Variants in IRF6 observed in about 807,000 individuals in gnomAD.
The protein encoded by IRF6 is interferon regulatory factor 6.
A neutral mutation model predicts 51.4 loss-of-function variants in IRF6; 6 were observed. That is an observed-to-expected ratio of 0.12 (90% confidence interval 0.06 to 0.23). IRF6 has a LOEUF of 0.23. IRF6 is among the 10% of genes least tolerant of loss of function. IRF6 has a pLI of 1.00. For synonymous variants in IRF6, 178 were observed against 215.7 expected, an observed-to-expected ratio of 0.83 and a Z score of 1.53; for missense variants, 348 against 585.2, an observed-to-expected ratio of 0.59 and a Z score of 4.18.
chr1:209,804,093 T>C (rs535515461), intron 1 of IRF6, among the ~76,000 whole-genome samples: 4 of 152,246 alleles, frequency 2.6e-5, no homozygotes, highest in African/African-American at 7.2e-5. Flanking sequence ...TACAATGATA[T>C]GTTTCAATTT....
intron 4 of IRF6, 135 bp from the exon 5 acceptor site, chr1:209,795,553 T>A: frequency 7.5e-7 from 1 of 1,332,940 alleles, no homozygotes; most frequent in Non-Finnish European, 1.0e-6. Flanking sequence ...ATGTCCTAGC[T>A]AAAAAGAGTG....
chr1:209,796,225 G>A lies in IRF6; in HGVS notation c.379+123C>T. 1.3e-6 allele frequency: 1 copy of A among 799,920 alleles called. No individual in the cohort carries two copies. The highest frequency in any genetic ancestry group is 2.0e-6 in the Non-Finnish European group (1 of 499,360). 49.6% of individuals were successfully genotyped at this position (799,920 alleles called of 1,614,324 possible). ...TTTTCTGGGTCCTTCCCAGAGAAAG[G>A]CTTTCTTGCTTTATCCATCTTAAAC... On this transcript the variant is annotated intron_variant, in intron 4 of 8. Coordinates refer to ENST00000367021, the MANE Select transcript of IRF6 (RefSeq NM_006147.4). The surrounding 1 kb of genome is among the most constrained non-coding windows in gnomAD (Gnocchi z 4.5).
At chr1:209,804,690 A>G (rs1475786310) in intron 1 of IRF6, among the ~76,000 whole-genome samples, 3 of 152,186 alleles carry the variant, frequency 2.0e-5, no homozygotes, top group Non-Finnish European at 4.4e-5. Context: ...GAGGAGGGAC[A>G]CTTTCAGCCT....
At chr1:209,800,866 A>T (rs933945451) in intron 3 of IRF6, among the ~76,000 whole-genome samples, 1 of 152,202 alleles carries the variant, frequency 6.6e-6, no homozygotes, top group African/African-American at 2.4e-5. Flanking sequence ...TGGTCTGAGT[A>T]TCCATTCCCA....
intron 1 of IRF6, among the ~76,000 whole-genome samples, chr1:209,802,737 C>A (rs2077951255): frequency 6.6e-6 from 1 of 152,128 alleles, no homozygotes; most frequent in Admixed American, 6.5e-5. Flanking sequence ...CCTACCTGGA[C>A]CACAGTTCTG....
At chr1:209,791,746 C>T (rs138219881) in intron 6 of IRF6, among the ~76,000 whole-genome samples, 1 of 152,266 alleles carries the variant, frequency 6.6e-6, no homozygotes, top group East Asian at 1.9e-4. Context: ...TGTAACCAAT[C>T]AGAGCATCCC....
chr1:209,798,519 G>A (rs2077918693), intron 3 of IRF6, among the ~76,000 whole-genome samples: 1 of 152,166 alleles, frequency 6.6e-6, no homozygotes, highest in Non-Finnish European at 1.5e-5. Context: ...CAGCCTTCCT[G>A]CTCACCACAC....
chr1:209,790,413 G>A lies in IRF6; in HGVS notation c.1060+82C>T. ...AGATCTTTGCCATGCCAGGAAAGCA[G>A]GAAGGTGAAAGACAGGGATAGTGGA... On this transcript the variant is annotated intron_variant, in intron 7 of 8. Coordinates refer to ENST00000367021, the MANE Select transcript of IRF6 (RefSeq NM_006147.4). This position sits in a 1 kb window ranked among gnomAD's most constrained non-coding sequence, Gnocchi z 4.8. 1 of 1,491,256 alleles carries A rather than the reference G, an allele frequency of 6.7e-7. No individual in the cohort carries two copies. Among genetic ancestry groups the A allele is most frequent in the Non-Finnish European group, 9.3e-7 (1 of 1,071,256 alleles). The allele number at this position is 1,491,256 out of a possible 1,614,324, so 92.4% of individuals were successfully genotyped here.
At chr1:209,800,178 G>A (rs942032535) in intron 3 of IRF6, among the ~76,000 whole-genome samples, 1 of 152,204 alleles carries the variant, frequency 6.6e-6, no homozygotes, top group Non-Finnish European at 1.5e-5. Flanking sequence ...AAGTGACCAA[G>A]AAAGAAGCTG....
At chr1:209,803,594 G>A (rs1291444881) in intron 1 of IRF6, among the ~76,000 whole-genome samples, 1 of 152,136 alleles carries the variant, frequency 6.6e-6, no homozygotes, top group Non-Finnish European at 1.5e-5. Flanking sequence ...CAGCCCCATG[G>A]AAGGAGCCCC....
chr1:209,802,212 T>C (rs779994259), intron 1 of IRF6, 169 bp from the exon 2 acceptor site: 12 of 152,170 alleles, frequency 7.9e-5, no homozygotes, highest in Admixed American at 7.9e-4. Context: ...TAAGAGTACT[T>C]AGAGTACTAA....
intron 8 of IRF6, among the ~76,000 whole-genome samples, chr1:209,789,260 G>A (rs2077853926): frequency 6.6e-6 from 1 of 151,796 alleles, no homozygotes; most frequent in African/African-American, 2.4e-5. Context: ...GGAGGTTGAG[G>A]CCACAGTGGG....
chr1:209,796,634 A>AACACACACACACACACACACACACAC lies in IRF6; in HGVS notation c.175-108_175-83dup. ...GTGCTTACCCTTTCTCATAGACACA[A>AACACACACACACACACACACACACAC]ACACACACACACACACACACACACA... On this transcript the variant is annotated intron_variant, in intron 3 of 8. Transcript: ENST00000367021. The surrounding 1 kb of genome is among the most constrained non-coding windows in gnomAD (Gnocchi z 4.5). 1 of 585,334 alleles carries AACACACACACACACACACACACACAC rather than the reference A, an allele frequency of 1.7e-6. No homozygotes were observed. The highest frequency in any genetic ancestry group is 3.1e-6 in the Non-Finnish European group (1 of 324,886). The allele number at this position is 585,334 out of a possible 1,614,324, so 36.3% of individuals were successfully genotyped here. A position where few individuals can be genotyped will look rare whatever the true frequency, so the allele number is the denominator to read the frequency against.
intron 5 of IRF6, among the ~76,000 whole-genome samples, chr1:209,793,958 T>C (rs1387362628): frequency 6.6e-6 from 1 of 152,240 alleles, no homozygotes; most frequent in Non-Finnish European, 1.5e-5. Context: ...ACGTTTTCTT[T>C]ATCCAGTCCA....
At position 209,801,196 on chromosome 1, in the gene IRF6, A is replaced by G. The variant is rs1333342248; in HGVS notation, c.174+44T>C. 6 of 1,533,558 alleles carry G rather than the reference A, an allele frequency of 3.9e-6. No individual in the cohort carries two copies. In the East Asian group the frequency reaches 1.3e-4, roughly 34 times the overall value. 95.0% of individuals were successfully genotyped at this position (1,533,558 alleles called of 1,614,324 possible). ...TATTCCCCATGCCAAAAAAAAAAAAAAAAAAAAATCCAGAAAGGTCTGATG... is the reference window on the plus strand; with the variant it reads ...TATTCCCCATGCCAAAAAAAAAAAAGAAAAAAAATCCAGAAAGGTCTGATG... On this transcript the variant is annotated intron_variant, in intron 3 of 8. Transcript: ENST00000367021.
At chr1:209,795,541 C>G (rs1193016031) in intron 4 of IRF6, 123 bp from the exon 5 acceptor site, 2 of 1,409,472 alleles carry the variant, frequency 1.4e-6, no homozygotes, top group Non-Finnish European at 2.0e-6. Flanking sequence ...TACACACCCT[C>G]AATGTCCTAG....
Position 209,790,531 on chromosome 1 carries a change from T to C in IRF6, c.1024A>G (p.Lys342Glu). 1 of 1,614,204 alleles carries C rather than the reference T, an allele frequency of 6.2e-7. No individual in the cohort carries two copies. Among genetic ancestry groups the C allele is most frequent in the East Asian group, 2.2e-5 (1 of 44,886 alleles). ...VAPNLIERQK[K>E]VKLFCLETFL... The stretch of plus-strand genomic sequence containing the variant: ...GTTTCCAGACAAAATAGCTTGACCT[T>C]CTTTTGTCTCTCAATCAGGTTGGGA... The change falls in exon 7 of 9, where the codon AAG becomes GAG. Residue 342 changes from lysine to glutamate, a missense_variant. This residue lies in a region of IRF6 where 125 missense variants were observed against 222.0 expected (regional missense o/e 0.56). Transcript: ENST00000367021. This position sits in a 1 kb window ranked among gnomAD's most constrained non-coding sequence, Gnocchi z 4.8.
intron 3 of IRF6, 112 bp downstream of exon 3, chr1:209,801,128 T>C: frequency 3.2e-6 from 3 of 947,660 alleles, no homozygotes; most frequent in Non-Finnish European, 4.8e-6. Context: ...GGCACCCCCA[T>C]CATAAGCATT....
At chr1:209,791,112 T>C (rs2077866383) in intron 6 of IRF6, 1 of 934,006 alleles carries the variant, frequency 1.1e-6, no homozygotes, top group Non-Finnish European at 1.3e-6. Context: ...TCTCAACTAT[T>C]TCTGTTCAAT....
Sources: allele counts gnomAD v4.1 joint callset (sites outside exome capture counted in the v4.1 genomes callset), GRCh38; gene constraint gnomAD v4.1.1; regional missense constraint gnomAD v4.1.1; non-coding constraint Gnocchi (gnomAD v3.1); transcripts MANE v1.5; gene names NCBI Gene and HGNC (gene_info 2026-07-23, HGNC 2026-07-21).